ZW10: variants seen among roughly 807,000 people sequenced by gnomAD.
The protein encoded by ZW10 is centromere/kinetochore protein zw10 homolog.
In ZW10, 53 loss-of-function variants were observed where a neutral mutation model predicts 87.8. The observed-to-expected ratio is 0.60, with a 90% confidence interval of 0.48 to 0.76. ZW10 has a LOEUF of 0.76. Ranked by LOEUF, ZW10 falls within the 30% of genes least tolerant of loss-of-function variation. ZW10 has a pLI of 0.00. For missense variants in ZW10, 837 were observed against 923.0 expected (o/e 0.91, Z 1.21); for synonymous variants, 312 against 329.2 (o/e 0.95, Z 0.57).
At chr11:113,773,503 C>G in intron 1 of ZW10, 59 bp downstream of exon 1, 2 of 1,458,108 alleles carry the variant, frequency 1.4e-6, no homozygotes, top group Admixed American at 1.7e-5. Flanking sequence ...TCTCTCCAGT[C>G]CCTTCACACA....
intron 2 of ZW10, among the ~76,000 whole-genome samples, chr11:113,762,294 C>T (rs1953868867): frequency 6.6e-6 from 1 of 152,158 alleles, no homozygotes; most frequent in African/African-American, 2.4e-5. Flanking sequence ...AAATGGTACA[C>T]CTGTATAGGG....
At chr11:113,741,997 A>T (rs960480512) in intron 10 of ZW10, among the ~76,000 whole-genome samples, 1 of 152,238 alleles carries the variant, frequency 6.6e-6, no homozygotes, top group Non-Finnish European at 1.5e-5. Context: ...TGATTGTAAG[A>T]AGAGCCGCAT....
At chr11:113,741,825 A>C in intron 10 of ZW10, 60 bp from the exon 11 acceptor site, 2 of 1,221,502 alleles carry the variant, frequency 1.6e-6, no homozygotes, top group Admixed American at 2.0e-5. Flanking sequence ...ACAAGAAAAA[A>C]ATTTAAACTA....
chr11:113,741,626 G>T, intron 11 of ZW10, 68 bp downstream of exon 11: 3 of 1,044,734 alleles, frequency 2.9e-6, no homozygotes, highest in East Asian at 2.7e-5. Flanking sequence ...AAAATTATTT[G>T]TTTTAACTTA....
intron 5 of ZW10, 102 bp downstream of exon 5, chr11:113,760,107 T>C: frequency 7.4e-7 from 1 of 1,353,236 alleles, no homozygotes; most frequent in Non-Finnish European, 1.0e-6. Flanking sequence ...TGGAAGATTA[T>C]GAATGAACCC....
chr11:113,747,459 C>CTA (rs2134876189), intron 9 of ZW10, 72 bp downstream of exon 9: 1 of 1,339,644 alleles, frequency 7.5e-7, no homozygotes, highest in African/African-American at 1.4e-5. Context: ...TTCCACTTTA[C>CTA]TATATGCATC....
Position 113,748,370 on chromosome 11 carries a change from A to G in ZW10, c.976T>C (p.Leu326=). ...LENEKTSTVP[L]AEMLGDMIWE... is the part of the protein sequence containing the mutation. ...ATCATGTCTCCAAGCATCTCAGCCAATGGGACAGTAGATGTTTTTTCATTT... is the reference window on the plus strand; with the variant it reads ...ATCATGTCTCCAAGCATCTCAGCCAGTGGGACAGTAGATGTTTTTTCATTT... Residue 326 remains leucine (L), a synonymous_variant, in exon 8 of 16, where the codon TTG becomes CTG. Transcript: ENST00000200135. 6.2e-7 allele frequency: 1 copy of G among 1,613,234 alleles called. No individual in the cohort carries two copies. The highest frequency in any genetic ancestry group is 8.5e-7 in the Non-Finnish European group (1 of 1,179,670).
rs1953568748 is a variant in ZW10 at position 113,737,660 on chromosome 11, A to G, written c.1928T>C (p.Val643Ala). 4.3e-6 allele frequency: 7 copies of G among 1,613,586 alleles called. No homozygotes were observed. Among genetic ancestry groups the G allele is most frequent in the Non-Finnish European group, 5.9e-6 (7 of 1,179,602 alleles). The change falls in exon 14 of 16, where the codon GTC becomes GCC. Residue 643 changes from valine (V) to alanine (A), a missense_variant. Transcript: ENST00000200135. Reference sequence around the variant, plus strand: ...CTTGCAATATATATTCACTGGCAGGACATCCTGCCACACAATTCCAAGTCT... The same window carrying G: ...CTTGCAATATATATTCACTGGCAGGGCATCCTGCCACACAATTCCAAGTCT... Reference protein sequence around the residue: ...LKRLGIVWQDVLPVNIYCKAM... With the variant: ...LKRLGIVWQDALPVNIYCKAM...
At chr11:113,741,409 TAAGTA>T (rs1487714348) in intron 11 of ZW10, among the ~76,000 whole-genome samples, 3 of 152,238 alleles carry the variant, frequency 2.0e-5, no homozygotes, top group Non-Finnish European at 4.4e-5. Context: ...GGCTGAAAGT[TAAGTA>T]AAGGCAGTTC....
chr11:113,750,598 CT>C (rs774484320), intron 7 of ZW10, among the ~76,000 whole-genome samples: 146 of 152,298 alleles, frequency 9.6e-4, no homozygotes, highest in Non-Finnish European at 1.3e-3. Context: ...GCCACCGCGC[CT>C]GGCTACAAAA....
intron 2 of ZW10, among the ~76,000 whole-genome samples, chr11:113,763,822 T>G (rs1044895662): frequency 7.2e-5 from 11 of 152,254 alleles, no homozygotes; most frequent in Non-Finnish European, 1.5e-4. Context: ...CTGTTCACTC[T>G]GATGATGGTT....
At chr11:113,766,889 C>G (rs879328492) in intron 2 of ZW10, among the ~76,000 whole-genome samples, 2 of 150,526 alleles carry the variant, frequency 1.3e-5, no homozygotes, top group East Asian at 4.0e-4. Context: ...TGGTGGCACA[C>G]GCCTGTAATC....
rs142588649 is a variant in ZW10, at chr11:113,739,361, G to A, written c.1605C>T (p.Pro535=). Residue 535 remains proline, a synonymous_variant, in exon 12 of 16, where the codon CCC becomes CCT. Coordinates refer to ENST00000200135, the MANE Select transcript of ZW10 (RefSeq NM_004724.4). ...TGTTGTGATGAATAGCAGCCAACTG[G>A]GGAAGTTTTTGAAGGTTCTCCCTAG... The part of the protein sequence containing the change: ...TYHKENLQKL[P]QLAAIHHNNC... 4 of 1,603,346 alleles carry A rather than the reference G, an allele frequency of 2.5e-6. No homozygotes were observed. Among genetic ancestry groups the A allele is most frequent in the Non-Finnish European group, 2.6e-6 (3 of 1,175,308 alleles).
intron 7 of ZW10, among the ~76,000 whole-genome samples, chr11:113,749,716 T>C (rs1170150396): frequency 6.6e-6 from 1 of 152,226 alleles, no homozygotes. Context: ...AAAAAATTTT[T>C]TAAAGCAGCA....
intron 2 of ZW10, among the ~76,000 whole-genome samples, chr11:113,764,798 G>A (rs1014352952): frequency 1.2e-4 from 18 of 152,258 alleles, no homozygotes; most frequent in African/African-American, 3.4e-4. Flanking sequence ...CCTTCCTTCT[G>A]AAACATTCTT....
intron 2 of ZW10, among the ~76,000 whole-genome samples, chr11:113,761,170 TA>T (rs1343497223): frequency 6.6e-6 from 1 of 152,182 alleles, no homozygotes; most frequent in Non-Finnish European, 1.5e-5. Context: ...CATCTATTCT[TA>T]ATTTAAGCAG....
intron 9 of ZW10, among the ~76,000 whole-genome samples, chr11:113,747,328 A>G (rs959345178): frequency 3.9e-5 from 6 of 152,192 alleles, no homozygotes; most frequent in African/African-American, 7.2e-5. Flanking sequence ...CATGTGCATT[A>G]TCGTATCTGC....
intron 2 of ZW10, among the ~76,000 whole-genome samples, chr11:113,761,497 T>C (rs1030568479): frequency 2.6e-5 from 4 of 152,124 alleles, no homozygotes; most frequent in South Asian, 2.1e-4. Flanking sequence ...TCCAGGCTGG[T>C]CTTGAACTCC....
At chr11:113,751,233 A>G in intron 7 of ZW10, 1 of 301,540 alleles carries the variant, frequency 3.3e-6, no homozygotes, top group Non-Finnish European at 6.9e-6. Flanking sequence ...GACAAAAGCG[A>G]GAATCCTGGC....
Sources: allele counts gnomAD v4.1 joint callset (sites outside exome capture counted in the v4.1 genomes callset), GRCh38; gene constraint gnomAD v4.1.1; transcripts MANE v1.5; gene names NCBI Gene and HGNC (gene_info 2026-07-23, HGNC 2026-07-21).